The following RABGAP1L variants were observed in gnomAD, a reference collection of about 807,000 sequenced individuals.
The protein encoded by RABGAP1L is RAB GTPase activating protein 1 like.
RABGAP1L carries 63 observed loss-of-function variants against 137.7 expected under a neutral mutation model. That is an observed-to-expected ratio of 0.46 (90% CI 0.37 to 0.56). The LOEUF is 0.56. Among genes scored for constraint, RABGAP1L ranks in the 20% least tolerant of loss-of-function variants. The pLI, the probability that RABGAP1L is intolerant of heterozygous loss-of-function variation, is 0.00. For missense variants in RABGAP1L, 1,095 were observed against 1,244.0 expected, an observed-to-expected ratio of 0.88 and a Z score of 1.80; for synonymous variants, 431 against 433.7, an observed-to-expected ratio of 0.99 and a Z score of 0.08.
At chr1:174,611,137 A>G (rs936729929) in intron 13 of RABGAP1L, among the ~76,000 whole-genome samples, 6 of 148,414 alleles carry the variant, frequency 4.0e-5, no homozygotes, top group Non-Finnish European at 5.9e-5. Flanking sequence ...GCCCATGCCT[A>G]TGTCCTGAAT....
At chr1:174,988,560 TAA>T in intron 24 of RABGAP1L, 79 bp from the exon 25 acceptor site, 4 of 1,247,348 alleles carry the variant, frequency 3.2e-6, no homozygotes, top group Non-Finnish European at 4.2e-6. Context: ...AAGCAGCATC[TAA>T]AAAAGTCATA....
intron 14 of RABGAP1L, among the ~76,000 whole-genome samples, chr1:174,682,225 G>GAGCTGAGATCGTGCCATTGCACTCC (rs1678115023): frequency 6.6e-6 from 1 of 151,786 alleles, no homozygotes; most frequent in Non-Finnish European, 1.5e-5. Flanking sequence ...AGGTTGCAGT[G>GAGCTGAGATCGTGCCATTGCACTCC]AGCTGAGATC....
intron 10 of RABGAP1L, among the ~76,000 whole-genome samples, chr1:174,295,105 G>T (rs1008471085): frequency 6.6e-6 from 1 of 151,692 alleles, no homozygotes; most frequent in African/African-American, 2.4e-5. Context: ...TTTTAGTAGA[G>T]ATGGGGTTTC....
chr1:174,941,561 TG>T (rs1381525027), intron 19 of RABGAP1L, among the ~76,000 whole-genome samples: 1 of 152,196 alleles, frequency 6.6e-6, no homozygotes, highest in Non-Finnish European at 1.5e-5. Flanking sequence ...TGTTCGGGCC[TG>T]TTGACTATCA....
chr1:174,201,687 C>A (rs920563443), intron 1 of RABGAP1L, among the ~76,000 whole-genome samples: 3 of 150,088 alleles, frequency 2.0e-5, no homozygotes, highest in Non-Finnish European at 3.0e-5. Context: ...TTTTAGGGTA[C>A]ATGTGCACAA....
At chr1:174,402,839 C>T (rs1414743098) in intron 13 of RABGAP1L, among the ~76,000 whole-genome samples, 2 of 152,134 alleles carry the variant, frequency 1.3e-5, no homozygotes. Flanking sequence ...GCAATGATCA[C>T]ATTTTCACAT....
intron 10 of RABGAP1L, among the ~76,000 whole-genome samples, chr1:174,283,562 A>G (rs1675773423): frequency 6.6e-6 from 1 of 151,888 alleles, no homozygotes; most frequent in Non-Finnish European, 1.5e-5. Context: ...GCTGGAGTGC[A>G]GTGGCACCAT....
At chr1:174,491,518 C>T (rs1257306019) in intron 13 of RABGAP1L, among the ~76,000 whole-genome samples, 1 of 151,918 alleles carries the variant, frequency 6.6e-6, no homozygotes, top group African/African-American at 2.4e-5. Context: ...TTTGGAGCCA[C>T]AAGGGGTCTC....
intron 4 of RABGAP1L, among the ~76,000 whole-genome samples, chr1:174,240,981 T>TTC (rs1671765412): frequency 6.6e-6 from 1 of 152,072 alleles, no homozygotes; most frequent in Non-Finnish European, 1.5e-5. Flanking sequence ...AGACAAGTTG[T>TTC]TCTCTCTTGC....
chr1:174,904,976 C>T (rs1462773377), intron 19 of RABGAP1L, among the ~76,000 whole-genome samples: 1 of 152,082 alleles, frequency 6.6e-6, no homozygotes, highest in Non-Finnish European at 1.5e-5. Context: ...GGACAGGAAC[C>T]TCTAGCCAGC....
chr1:174,175,781 A>G (rs1011752706), intron 1 of RABGAP1L, among the ~76,000 whole-genome samples: 2 of 151,690 alleles, frequency 1.3e-5, no homozygotes, highest in Admixed American at 6.6e-5. Context: ...ACCCACCATC[A>G]TGCCTGGCTA....
At chr1:174,397,391 A>ATT (rs1231443397) in intron 13 of RABGAP1L, among the ~76,000 whole-genome samples, 1 of 152,046 alleles carries the variant, frequency 6.6e-6, no homozygotes, top group Non-Finnish European at 1.5e-5. Flanking sequence ...TTCATTCTCA[A>ATT]TCACTTGCCT....
intron 19 of RABGAP1L, among the ~76,000 whole-genome samples, chr1:174,869,892 C>A (rs1294575570): frequency 6.6e-6 from 1 of 152,098 alleles, no homozygotes; most frequent in Non-Finnish European, 1.5e-5. Flanking sequence ...CACCAGACAC[C>A]AAATCTGCCA....
chr1:174,532,930 T>C (rs1040449644), intron 13 of RABGAP1L, among the ~76,000 whole-genome samples: 1 of 152,170 alleles, frequency 6.6e-6, no homozygotes, highest in Non-Finnish European at 1.5e-5. Context: ...TATCCACAAC[T>C]AAGCTTGAGA....
intron 1 of RABGAP1L, among the ~76,000 whole-genome samples, chr1:174,207,033 ACT>A (rs1414711781): frequency 6.6e-6 from 1 of 152,260 alleles, no homozygotes; most frequent in South Asian, 2.1e-4. Flanking sequence ...GAAACAAAAC[ACT>A]GATACATACC....
intron 19 of RABGAP1L, among the ~76,000 whole-genome samples, chr1:174,906,488 T>G (rs141282060): frequency 0.051 from 7,635 of 151,176 alleles, 281 homozygotes; most frequent in Non-Finnish European, 0.073. Flanking sequence ...ATTAGCGGGG[T>G]GTGGTGGCAG....
chr1:174,608,515 A>T (rs565742103), intron 13 of RABGAP1L, among the ~76,000 whole-genome samples: 3 of 152,306 alleles, frequency 2.0e-5, no homozygotes, highest in East Asian at 1.9e-4. Context: ...TTATGAAAGC[A>T]CTATGGAAGG....
intron 13 of RABGAP1L, among the ~76,000 whole-genome samples, chr1:174,524,503 GTT>G: frequency 6.6e-6 from 1 of 151,818 alleles, no homozygotes; most frequent in East Asian, 1.9e-4. Flanking sequence ...TGGGATATTT[GTT>G]TTTTCATTCT....
At chr1:174,784,687 A>G (rs1687321640) in intron 18 of RABGAP1L, among the ~76,000 whole-genome samples, 1 of 152,240 alleles carries the variant, frequency 6.6e-6, no homozygotes, top group Non-Finnish European at 1.5e-5. Context: ...ACCAAACTGC[A>G]GGAAAGCAAA....
Sources: allele counts gnomAD v4.1 joint callset (sites outside exome capture counted in the v4.1 genomes callset), GRCh38; gene constraint gnomAD v4.1.1; transcripts MANE v1.5; gene names NCBI Gene and HGNC (gene_info 2026-07-23, HGNC 2026-07-21).